The following ATR variants were observed in gnomAD, a reference collection of about 807,000 sequenced individuals.
ATR encodes serine/threonine-protein kinase ATR.
ATR carries 142 observed loss-of-function variants against 305.3 expected under a neutral mutation model. That is an observed-to-expected ratio of 0.47 (90% confidence interval 0.41 to 0.53). The LOEUF is 0.53. Among genes scored for constraint, ATR ranks in the 20% least tolerant of loss-of-function variants. The probability of loss-of-function intolerance (pLI) is 0.00; values close to 1 mark genes in which losing one functional copy is unlikely to be tolerated. For synonymous variants in ATR, 1,050 were observed against 1,068.1 expected, an observed-to-expected ratio of 0.98 and a Z score of 0.33; for missense variants, 2,135 against 3,133.1, an observed-to-expected ratio of 0.68 and a Z score of 7.60.
chr3:142,469,614 AATCAGTAT>A, intron 37 of ATR, 45 bp from the exon 38 acceptor site: 3 of 1,508,052 alleles, frequency 2.0e-6, no homozygotes, highest in Non-Finnish European at 2.8e-6. Flanking sequence ...GAAAGAGAAA[AATCAGTAT>A]ATCAGTTCAT....
At chr3:142,549,822 C>A in intron 14 of ATR, 149 bp from the exon 15 acceptor site, 1 of 768,784 alleles carries the variant, frequency 1.3e-6, no homozygotes, top group Non-Finnish European at 2.1e-6. Flanking sequence ...ATCATTTATA[C>A]CACTATAATT....
intron 34 of ATR, among the ~76,000 whole-genome samples, chr3:142,494,680 T>G (rs2031482890): frequency 6.6e-6 from 1 of 152,218 alleles, no homozygotes; most frequent in African/African-American, 2.4e-5. Context: ...TAGCTGAAGT[T>G]TAAAGGGTTT....
At chr3:142,479,824 C>T (rs2030283813) in intron 36 of ATR, among the ~76,000 whole-genome samples, 1 of 152,182 alleles carries the variant, frequency 6.6e-6, no homozygotes, top group Non-Finnish European at 1.5e-5. Flanking sequence ...CTTCTCGCTT[C>T]ATTTCATTCA....
At chr3:142,477,644 T>C (rs1043205669) in intron 36 of ATR, among the ~76,000 whole-genome samples, 2 of 152,234 alleles carry the variant, frequency 1.3e-5, no homozygotes, top group African/African-American at 4.8e-5. Context: ...TCTCTATTGA[T>C]TGAAATAGTT....
chr3:142,450,963 G>T (rs989956818), intron 46 of ATR: 1 of 1,208,198 alleles, frequency 8.3e-7, no homozygotes, highest in African/African-American at 1.6e-5. Flanking sequence ...ACCCTTTGCA[G>T]AATCTGACAC....
chr3:142,478,681 A>C (rs2030126304), intron 36 of ATR, among the ~76,000 whole-genome samples: 1 of 152,164 alleles, frequency 6.6e-6, no homozygotes, highest in Non-Finnish European at 1.5e-5. Flanking sequence ...TCTAATGTTG[A>C]CAGTGGGGTG....
chr3:142,577,202 A>G (rs542935312), intron 1 of ATR, among the ~76,000 whole-genome samples: 317 of 152,344 alleles, frequency 2.1e-3, no homozygotes, highest in Non-Finnish European at 3.7e-3. Context: ...TTCTCTTGGA[A>G]TAGCTACAAA....
In ATR at chr3:142,562,597, A is replaced by G; in HGVS notation, c.805T>C (p.Phe269Leu). Residue 269 changes from phenylalanine (F) to leucine (L), a missense_variant, in exon 4 of 47, where the codon TTT becomes CTT. Phe to Leu is a conservative substitution (Grantham distance 22, BLOSUM62 0). Coordinates refer to ENST00000350721, the MANE Select transcript of ATR (RefSeq NM_001184.4). The stretch of plus-strand genomic sequence containing the variant: ...AATAATTCCAAAAATGAGCTGAAAA[A>G]AGTGCTAGCTGGTTGTGCTGGTAGT... ...GGLPAQPAST[F>L]FSSFLELLKH... is the part of the protein sequence containing the mutation. The G allele has an allele frequency of 6.2e-7, 1 of 1,614,064 alleles. No homozygotes were observed. Among genetic ancestry groups the G allele is most frequent in the Non-Finnish European group, 8.5e-7 (1 of 1,179,984 alleles).
In ATR at chr3:142,561,415, A is replaced by C. The variant is rs765267361; in HGVS notation, c.1177T>G (p.Leu393Val). ...TTCAAAGCTGCATAAAGTGGGCCCA[A>C]CAAGTACTGAGAAAATAAAAAATAA... ...LGIEVDAEYL[L>V]GPLYAALKME... Residue 393 changes from leucine (L) to valine (V), a missense_variant, in exon 5 of 47, where the codon TTG becomes GTG. Around this residue, in one of 9 missense-constraint regions of ATR, gnomAD observed 744 missense variants for 873.2 expected, o/e 0.85. Coordinates refer to ENST00000350721, the MANE Select transcript of ATR (RefSeq NM_001184.4). The C allele has an allele frequency of 1.2e-6, 2 of 1,613,598 alleles. No homozygotes were observed. Among genetic ancestry groups the C allele is most frequent in the Admixed American group, 3.3e-5 (2 of 60,018 alleles).
intron 45 of ATR, among the ~76,000 whole-genome samples, chr3:142,456,805 A>AC (rs1462280768): frequency 2.0e-5 from 3 of 152,252 alleles, no homozygotes; most frequent in Non-Finnish European, 4.4e-5. Context: ...GATGTTATCT[A>AC]AAGATAGAAA....
intron 32 of ATR, among the ~76,000 whole-genome samples, chr3:142,498,365 A>G (rs958574855): frequency 2.0e-5 from 3 of 152,226 alleles, no homozygotes; most frequent in East Asian, 1.9e-4. Flanking sequence ...GAGGACAAAC[A>G]TAAGATATTT....
chr3:142,465,280 T>C, intron 40 of ATR, 40 bp from the exon 41 acceptor site: 3 of 1,557,210 alleles, frequency 1.9e-6, no homozygotes, highest in Non-Finnish European at 2.6e-6. Flanking sequence ...GGGCCAAAAA[T>C]TTCTGTGTAA....
At position 142,562,848 on chromosome 3, in the gene ATR, T is replaced by C. The variant is rs756783888; in HGVS notation, c.554A>G (p.His185Arg). The change falls in exon 4 of 47, where the codon CAC becomes CGC. Residue 185 changes from histidine (H) to arginine (R), a missense_variant. Coordinates refer to ENST00000350721, the MANE Select transcript of ATR (RefSeq NM_001184.4). ...MSRFLSQLDE[H>R]MGYLQSAPLQ... ...AGGAGCTGATTGTAAATATCCCATG[T>C]GTTCATCTAATTGACTTAAAAATCG... The C allele has an allele frequency of 1.9e-6, 3 of 1,609,410 alleles. No individual in the cohort carries two copies. The highest frequency in any genetic ancestry group is 1.1e-5 in the South Asian group (1 of 89,822).
intron 42 of ATR, among the ~76,000 whole-genome samples, chr3:142,460,465 A>G (rs562626056): frequency 4.6e-5 from 7 of 152,126 alleles, no homozygotes; most frequent in Non-Finnish European, 1.0e-4. Context: ...ACACAGAGAC[A>G]TAGAGAGAAT....
chr3:142,540,928 T>C lies in ATR; in HGVS notation c.3557A>G (p.Asp1186Gly), dbSNP rs1302753114. The C allele has an allele frequency of 3.7e-6, 6 of 1,612,858 alleles. No homozygotes were observed. The highest frequency in any genetic ancestry group is 1.1e-5 in the South Asian group (1 of 90,930). Reference protein sequence around the residue: ...TTLRTGLRFKDDFPELCCRAW... With the variant: ...TTLRTGLRFKGDFPELCCRAW... ...CCTGCAACACAATTCAGGAAAATCA[T>C]CCTTGAATCGAAGGCCAGTTCTCAG... The change falls in exon 18 of 47, where the codon GAT (aspartate) becomes GGT (glycine). Residue 1186 changes from aspartate (D) to glycine (G), a missense_variant. This residue lies in a region of ATR where 530 missense variants were observed against 766.8 expected (regional missense o/e 0.69). Coordinates refer to ENST00000350721, the MANE Select transcript of ATR (RefSeq NM_001184.4).
At chr3:142,568,000 T>A in intron 2 of ATR, 63 bp downstream of exon 2, 1 of 1,312,474 alleles carries the variant, frequency 7.6e-7, no homozygotes, top group East Asian at 2.5e-5. Flanking sequence ...GCTACTATAA[T>A]TTATACATGG....
chr3:142,558,549 A>AATAG (rs879242004), intron 8 of ATR, 75 bp downstream of exon 8: 1 of 1,083,566 alleles, frequency 9.2e-7, no homozygotes, highest in Admixed American at 3.1e-5. Context: ...TAAATAAATA[A>AATAG]ATAAATAAAT....
intron 28 of ATR, 68 bp from the exon 29 acceptor site, chr3:142,505,371 C>T (rs2108356632): frequency 1.3e-6 from 2 of 1,578,416 alleles, no homozygotes; most frequent in East Asian, 4.5e-5. Context: ...AACTATAAAA[C>T]CACCTGTTTA....
chr3:142,561,377 C>T lies in ATR; in HGVS notation c.1215G>A (p.Met405Ile). ...GGCATTGAATCTCCTCAATGATTTC[C>T]ATACTTTCCATTTTCAAAGCTGCAT... ...PLYAALKMES[M>I]EIIEEIQCQT... Residue 405 changes from methionine to isoleucine, a missense_variant, in exon 5 of 47, where the codon ATG becomes ATA. Around this residue, in one of 9 missense-constraint regions of ATR, gnomAD observed 744 missense variants for 873.2 expected, o/e 0.85. Transcript: ENST00000350721. 6.2e-7 allele frequency: 1 copy of T among 1,613,994 alleles called. No individual in the cohort carries two copies. The highest frequency in any genetic ancestry group is 1.1e-5 in the South Asian group (1 of 91,074).
Sources: allele counts gnomAD v4.1 joint callset (sites outside exome capture counted in the v4.1 genomes callset), GRCh38; gene constraint gnomAD v4.1.1; regional missense constraint gnomAD v4.1.1; transcripts MANE v1.5; gene names NCBI Gene and HGNC (gene_info 2026-07-23, HGNC 2026-07-21).